ABLIM2: variants seen among roughly 807,000 people sequenced by gnomAD.
The protein encoded by ABLIM2 is actin binding LIM protein family member 2.
A neutral mutation model predicts 97.7 loss-of-function variants in ABLIM2; 53 were observed. That is an observed-to-expected ratio of 0.54 (90% CI 0.44 to 0.68). The LOEUF is 0.68. ABLIM2 is among the 30% of genes least tolerant of loss of function. The pLI is 0.00. For missense variants in ABLIM2, 835 were observed against 867.2 expected (o/e 0.96, Z 0.47); for synonymous variants, 361 against 345.8 (o/e 1.04, Z -0.49).
At chr4:8,109,726 G>A (rs1028537450) in intron 1 of ABLIM2, among the ~76,000 whole-genome samples, 2 of 152,226 alleles carry the variant, frequency 1.3e-5, no homozygotes, top group African/African-American at 4.8e-5. Context: ...ATGAGGGAGA[G>A]GGGTTGGCCT....
chr4:7,989,131 T>G (rs138745972), intron 17 of ABLIM2, among the ~76,000 whole-genome samples: 1 of 138,964 alleles, frequency 7.2e-6, no homozygotes, highest in African/African-American at 2.7e-5. Flanking sequence ...CAGGCTGGAG[T>G]GCAGTGGAAC....
At chr4:8,027,481 G>A (rs1335715516) in intron 12 of ABLIM2, among the ~76,000 whole-genome samples, 1 of 152,208 alleles carries the variant, frequency 6.6e-6, no homozygotes, top group African/African-American at 2.4e-5. Flanking sequence ...GACAAAGCCT[G>A]TGGGCGGGTG....
intron 1 of ABLIM2, among the ~76,000 whole-genome samples, chr4:8,152,088 G>A (rs577404411): frequency 7.2e-4 from 110 of 152,238 alleles, no homozygotes; most frequent in Non-Finnish European, 1.4e-3. Context: ...CGGCCCAGGC[G>A]AGAAGATGGG....
chr4:8,008,479 G>T, intron 15 of ABLIM2, among the ~76,000 whole-genome samples: 1 of 152,236 alleles, frequency 6.6e-6, no homozygotes, highest in East Asian at 1.9e-4. Flanking sequence ...GGCCCACAGG[G>T]CTCTGCACGG....
intron 10 of ABLIM2, among the ~76,000 whole-genome samples, chr4:8,035,458 C>T (rs898151825): frequency 2.0e-5 from 3 of 152,230 alleles, no homozygotes; most frequent in Non-Finnish European, 4.4e-5. Context: ...GGGAGCCCCC[C>T]ATGCCTGGCG....
intron 1 of ABLIM2, among the ~76,000 whole-genome samples, chr4:8,107,296 G>T (rs1269308615): frequency 6.6e-6 from 1 of 152,234 alleles, no homozygotes; most frequent in Non-Finnish European, 1.5e-5. Flanking sequence ...CCGGGCAGGG[G>T]GACACACTCC....
At position 8,032,302 on chromosome 4, in the gene ABLIM2, G is replaced by A. The variant is rs764034900; in HGVS notation, c.1048-2526C>T. Among the ~76,000 whole-genome samples, 2 of 152,136 alleles carry A rather than the reference G, an allele frequency of 1.3e-5. No individual in the cohort carries two copies. The highest frequency in any genetic ancestry group is 2.1e-4 in the South Asian group (1 of 4,822). On this transcript the variant is annotated intron_variant, in intron 10 of 20. Coordinates refer to ENST00000447017, the MANE Select transcript of ABLIM2 (RefSeq NM_001130083.2). This position sits in a 1 kb window ranked among gnomAD's most constrained non-coding sequence, Gnocchi z 4.3. The stretch of plus-strand genomic sequence containing the variant: ...GACTGGGTGCTTCCACACAACCCAC[G>A]TGGAGGGGCAGGAGGCAGGAAGCGC...
At chr4:8,052,445 C>T (rs760585530) in intron 8 of ABLIM2, among the ~76,000 whole-genome samples, 1 of 152,228 alleles carries the variant, frequency 6.6e-6, no homozygotes, top group Non-Finnish European at 1.5e-5. Context: ...GAGAGGACAA[C>T]AAAATTCACA....
intron 20 of ABLIM2, among the ~76,000 whole-genome samples, chr4:7,976,740 T>C (rs564204974): frequency 4.0e-5 from 6 of 151,842 alleles, no homozygotes; most frequent in Admixed American, 1.3e-4. Context: ...CACATACACA[T>C]ATGCAAATAT....
rs1246201765 is a variant in ABLIM2 at position 8,021,202 on chromosome 4, T to C, written c.1268-899A>G. Among the ~76,000 whole-genome samples, 6 of 152,186 alleles carry C rather than the reference T, an allele frequency of 3.9e-5. No individual in the cohort carries two copies. In the East Asian group the frequency reaches 9.7e-4, roughly 24 times the overall value. ...TTTTTGGCAAATTAAATGGAAAGCA[T>C]CCTCTGACCCTGCTTCAATTGCTGA... is the stretch of plus-strand genomic sequence containing the variant. On this transcript the variant is annotated intron_variant, in intron 12 of 20. Coordinates refer to ENST00000447017, the MANE Select transcript of ABLIM2 (RefSeq NM_001130083.2). This position sits in a 1 kb window ranked among gnomAD's most constrained non-coding sequence, Gnocchi z 5.5.
intron 4 of ABLIM2, among the ~76,000 whole-genome samples, chr4:8,081,283 G>A (rs981810769): frequency 1.3e-5 from 2 of 152,152 alleles, no homozygotes; most frequent in African/African-American, 2.4e-5. Flanking sequence ...CCATCCCTAC[G>A]GTGACTGGCG....
At chr4:8,065,151 C>T (rs150073293) in intron 6 of ABLIM2, among the ~76,000 whole-genome samples, 6,127 of 152,238 alleles carry the variant, frequency 0.04, 162 homozygotes, top group Middle Eastern at 0.082. Flanking sequence ...ACTCAGGAGG[C>T]TGAGGTGGGA....
At chr4:8,070,918 G>A (rs961407963) in intron 6 of ABLIM2, among the ~76,000 whole-genome samples, 11 of 152,154 alleles carry the variant, frequency 7.2e-5, no homozygotes, top group East Asian at 1.9e-4. Context: ...CACCGGTCCA[G>A]ACCTCAGCCC....
At chr4:8,006,116 C>T (rs1463400705) in intron 16 of ABLIM2, among the ~76,000 whole-genome samples, 2 of 152,232 alleles carry the variant, frequency 1.3e-5, no homozygotes, top group African/African-American at 2.4e-5. Flanking sequence ...CCACCAGGCT[C>T]GTGTTCTCCT....
intron 8 of ABLIM2, among the ~76,000 whole-genome samples, chr4:8,047,737 C>A (rs1417209473): frequency 2.0e-5 from 3 of 152,224 alleles, no homozygotes; most frequent in African/African-American, 4.8e-5. Context: ...CCTCGTCCAT[C>A]CCCCGGCAAC....
At chr4:8,055,064 C>T (rs1798229159) in intron 7 of ABLIM2, among the ~76,000 whole-genome samples, 1 of 151,278 alleles carries the variant, frequency 6.6e-6, no homozygotes, top group South Asian at 2.1e-4. Context: ...TTTTTTTCCA[C>T]CTAAGAATAG....
chr4:8,104,951 C>T (rs768601912), intron 2 of ABLIM2, among the ~76,000 whole-genome samples: 1 of 152,274 alleles, frequency 6.6e-6, no homozygotes, highest in Middle Eastern at 3.4e-3. Flanking sequence ...AGCACCTGCT[C>T]CCCTCCTGCT....
rs1056040242 is a variant in ABLIM2 at position 7,996,629 on chromosome 4, T to C, written c.1619-3702A>G. On this transcript the variant is annotated intron_variant, in intron 16 of 20. Transcript: ENST00000447017. The surrounding 1 kb of genome is among the most constrained non-coding windows in gnomAD (Gnocchi z 4.5). ...ATTCTTTCCAAGAAGAGGGCTATTA[T>C]GTTTTGTCCCCGGTTTTACCTATTC... Among the ~76,000 whole-genome samples the C allele has an allele frequency of 2.0e-5, 3 of 152,252 alleles. No homozygotes were observed. The highest frequency in any genetic ancestry group is 2.0e-4 in the Admixed American group (3 of 15,288).
Position 7,992,996 on chromosome 4 carries a change from G to A in ABLIM2, c.1619-69C>T. The A allele has an allele frequency of 6.5e-7, 1 of 1,548,508 alleles. No individual in the cohort carries two copies. The highest frequency in any genetic ancestry group is 8.8e-7 in the Non-Finnish European group (1 of 1,130,756). On this transcript the variant is annotated intron_variant, in intron 16 of 20. Transcript: ENST00000447017. This position sits in a 1 kb window ranked among gnomAD's most constrained non-coding sequence, Gnocchi z 5.7. Reference sequence around the variant, plus strand: ...TGCAGCAATGGGGGTGCAGCCCTGGGGGGGCTTCCCACCGGGGTGGGCAAG... The same window carrying A: ...TGCAGCAATGGGGGTGCAGCCCTGGAGGGGCTTCCCACCGGGGTGGGCAAG...
Sources: gnomAD v4.1 joint callset for allele counts (sites outside exome capture counted in the v4.1 genomes callset) on GRCh38, gnomAD v4.1.1 for gene constraint, Gnocchi (gnomAD v3.1) non-coding constraint, MANE v1.5 for transcripts, NCBI Gene and HGNC (gene_info 2026-07-23, HGNC 2026-07-21) for gene names.